Variants in KCNQ5 observed in about 807,000 individuals in gnomAD.
KCNQ5 encodes the protein potassium voltage-gated channel subfamily Q member 5.
In KCNQ5, 30 loss-of-function variants were observed where a neutral mutation model predicts 98.2. The ratio of observed to expected loss-of-function variants is 0.31; its 90% CI spans 0.23 to 0.41. The LOEUF is 0.41. KCNQ5 is among the 10% of genes least tolerant of loss of function. The probability of loss-of-function intolerance (pLI) is 1.00; values close to 1 mark genes in which losing one functional copy is unlikely to be tolerated. For synonymous variants in KCNQ5, 458 were observed against 449.4 expected (o/e 1.02, Z -0.24); for missense variants, 835 against 1,182.5 (o/e 0.71, Z 4.31).
At chr6:73,169,231 A>G (rs1277047666) in intron 10 of KCNQ5, among the ~76,000 whole-genome samples, 2 of 152,224 alleles carry the variant, frequency 1.3e-5, no homozygotes, top group East Asian at 3.8e-4. Flanking sequence ...ATCTGAAGCA[A>G]GCTCTTTCCT....
chr6:72,704,905 C>T (rs191853189), intron 1 of KCNQ5, among the ~76,000 whole-genome samples: 1 of 152,136 alleles, frequency 6.6e-6, no homozygotes, highest in East Asian at 1.9e-4. Context: ...TGTTATGCCC[C>T]CCTCAGTTCA....
chr6:73,016,867 G>C (rs974548267), intron 2 of KCNQ5, among the ~76,000 whole-genome samples: 2 of 152,104 alleles, frequency 1.3e-5, no homozygotes, highest in African/African-American at 4.8e-5. Flanking sequence ...CCTCCTGCCA[G>C]ACATGGTTTG....
At chr6:72,702,596 T>G (rs1236583701) in intron 1 of KCNQ5, among the ~76,000 whole-genome samples, 1 of 152,212 alleles carries the variant, frequency 6.6e-6, no homozygotes, top group Non-Finnish European at 1.5e-5. Flanking sequence ...GGAAATGCTT[T>G]AAGACTTAGC....
intron 1 of KCNQ5, among the ~76,000 whole-genome samples, chr6:72,679,273 C>T (rs1283521878): frequency 1.2e-4 from 18 of 152,060 alleles, no homozygotes; most frequent in South Asian, 2.1e-4. Flanking sequence ...CACATGCACA[C>T]GTATGTTTAT....
At chr6:73,187,374 T>C (rs2150521035) in intron 11 of KCNQ5, among the ~76,000 whole-genome samples, 1 of 152,336 alleles carries the variant, frequency 6.6e-6, no homozygotes, top group South Asian at 2.1e-4. Flanking sequence ...ACCACCAAAA[T>C]TCTTAAAAGT....
At chr6:72,871,152 T>C (rs1240356440) in intron 1 of KCNQ5, among the ~76,000 whole-genome samples, 1 of 152,176 alleles carries the variant, frequency 6.6e-6, no homozygotes, top group Non-Finnish European at 1.5e-5. Context: ...CCACGAGCTT[T>C]TGAGAAAAGA....
chr6:72,774,412 C>T (rs1457938320), intron 1 of KCNQ5, among the ~76,000 whole-genome samples: 4 of 151,928 alleles, frequency 2.6e-5, no homozygotes, highest in African/African-American at 9.7e-5. Flanking sequence ...CTTTTTGAAG[C>T]TCAAGTAAGC....
At chr6:73,157,673 T>A (rs1777422774) in intron 10 of KCNQ5, 2 of 775,510 alleles carry the variant, frequency 2.6e-6, no homozygotes, top group African/African-American at 3.4e-5. Context: ...GTACAAAGGA[T>A]AAGGGCCCAG....
intron 1 of KCNQ5, among the ~76,000 whole-genome samples, chr6:72,941,425 T>G (rs1766257716): frequency 7.9e-6 from 1 of 126,004 alleles, no homozygotes. Flanking sequence ...CCTTCTTTCC[T>G]TCCTCCTTCC....
intron 10 of KCNQ5, among the ~76,000 whole-genome samples, chr6:73,155,725 A>C (rs1777336910): frequency 6.6e-6 from 1 of 152,198 alleles, no homozygotes; most frequent in Non-Finnish European, 1.5e-5. Flanking sequence ...TAGAGTGTTA[A>C]AACCACAGGT....
At chr6:72,774,578 A>G (rs1397825010) in intron 1 of KCNQ5, among the ~76,000 whole-genome samples, 2 of 151,980 alleles carry the variant, frequency 1.3e-5, no homozygotes, top group African/African-American at 4.8e-5. Flanking sequence ...AAATACATAT[A>G]TTCAACAAAG....
intron 1 of KCNQ5, among the ~76,000 whole-genome samples, chr6:72,684,516 A>C (rs1469167267): frequency 6.6e-6 from 1 of 152,250 alleles, no homozygotes; most frequent in Non-Finnish European, 1.5e-5. Flanking sequence ...CCTGGGCATT[A>C]GTATCAGGCC....
At chr6:72,655,515 C>T (rs768472228) in intron 1 of KCNQ5, among the ~76,000 whole-genome samples, 10 of 151,834 alleles carry the variant, frequency 6.6e-5, no homozygotes, top group African/African-American at 9.7e-5. Flanking sequence ...TAGAGAGGAA[C>T]GGGGAGTAAG....
chr6:73,053,087 A>G (rs576794259), intron 3 of KCNQ5, among the ~76,000 whole-genome samples: 17 of 152,296 alleles, frequency 1.1e-4, no homozygotes, highest in African/African-American at 4.1e-4. Flanking sequence ...AAAAAGCAGG[A>G]GTTGCTATTC....
chr6:72,695,161 G>A (rs935092117), intron 1 of KCNQ5, among the ~76,000 whole-genome samples: 4 of 152,066 alleles, frequency 2.6e-5, no homozygotes, highest in Non-Finnish European at 4.4e-5. Context: ...TACGGTTAGT[G>A]CTGCATTGTA....
At chr6:72,936,323 G>A (rs908727157) in intron 1 of KCNQ5, among the ~76,000 whole-genome samples, 2 of 152,082 alleles carry the variant, frequency 1.3e-5, no homozygotes, top group African/African-American at 4.8e-5. Flanking sequence ...TCTTGTGCCT[G>A]ATCTACTTTC....
chr6:72,790,301 A>G (rs1024212572), intron 1 of KCNQ5, among the ~76,000 whole-genome samples: 1 of 152,250 alleles, frequency 6.6e-6, no homozygotes, highest in African/African-American at 2.4e-5. Context: ...CATATCCAAC[A>G]TCACTTGAGC....
At chr6:73,172,102 G>A (rs1778035708) in intron 11 of KCNQ5, among the ~76,000 whole-genome samples, 1 of 152,096 alleles carries the variant, frequency 6.6e-6, no homozygotes, top group African/African-American at 2.4e-5. Context: ...TTCTTTCTTG[G>A]TTCTTATTTT....
At chr6:72,645,111 G>A (rs1044703805) in intron 1 of KCNQ5, among the ~76,000 whole-genome samples, 2 of 149,516 alleles carry the variant, frequency 1.3e-5, no homozygotes, top group Admixed American at 1.4e-4. Context: ...GCTCATGCCT[G>A]TAATCTTAGC....
Sources: gnomAD v4.1 joint callset for allele counts (sites outside exome capture counted in the v4.1 genomes callset) on GRCh38, gnomAD v4.1.1 for gene constraint, MANE v1.5 for transcripts, NCBI Gene and HGNC (gene_info 2026-07-23, HGNC 2026-07-21) for gene names.